SBF2: variants seen among roughly 807,000 people sequenced by gnomAD.
The protein encoded by SBF2 is SET binding factor 2.
Under a neutral mutation model 225.2 loss-of-function variants are expected in SBF2, and 112 were observed. That is an observed-to-expected ratio of 0.50 (90% CI 0.43 to 0.58). The LOEUF (loss-of-function observed/expected upper bound fraction) is 0.58, where lower values mean the gene tolerates loss of function less well. Ranked by LOEUF, SBF2 falls within the 20% of genes least tolerant of loss-of-function variation. SBF2 has a pLI of 0.00. For missense variants in SBF2, 1,996 were observed against 2,206.2 expected, an observed-to-expected ratio of 0.90 and a Z score of 1.91; for synonymous variants, 763 against 773.3, an observed-to-expected ratio of 0.99 and a Z score of 0.22.
At chr11:10,044,980 C>T (rs1949795883) in intron 2 of SBF2, among the ~76,000 whole-genome samples, 1 of 152,112 alleles carries the variant, frequency 6.6e-6, no homozygotes, top group South Asian at 2.1e-4. Context: ...AAGCAACAGC[C>T]TGGGCTCTAT....
rs560792413 is a variant in SBF2 at position 10,155,833 on chromosome 11, G to T, written c.141+38069C>A. Among the ~76,000 whole-genome samples, 82 of 152,322 alleles carry T rather than the reference G, an allele frequency of 5.4e-4. No homozygotes were observed. The South Asian group carries it at 0.016, about 30-fold the overall frequency. ...TCTTTTCAAGGATACAACTTATCAA[G>T]CTATCAGATCATTTACTTTACTGAA... On this transcript the variant is annotated intron_variant, in intron 2 of 39. Coordinates refer to ENST00000256190, the MANE Select transcript of SBF2 (RefSeq NM_030962.4).
At chr11:9,841,106 T>G (rs548603509) in intron 25 of SBF2, among the ~76,000 whole-genome samples, 1 of 152,328 alleles carries the variant, frequency 6.6e-6, no homozygotes, top group Middle Eastern at 3.4e-3. Flanking sequence ...CCCTCTTTCA[T>G]TAAAATATAT....
chr11:10,096,546 T>C (rs998988678), intron 2 of SBF2, among the ~76,000 whole-genome samples: 1 of 151,718 alleles, frequency 6.6e-6, no homozygotes, highest in African/African-American at 2.4e-5. Flanking sequence ...GCATTAACAA[T>C]ATTGTTATCA....
rs1851928716 is a variant in SBF2 at position 9,780,385 on chromosome 11, TTC to T, written c.*31_*32del. On this transcript the variant is annotated 3_prime_UTR_variant, in exon 40 of 40. Transcript: ENST00000256190. Reference sequence around the variant, plus strand: ...TCTATCTATCTGGCAGCATGAGTTCTTCTGTTTCTTCTGCGTGGGTTGACCAT... The same window carrying T: ...TCTATCTATCTGGCAGCATGAGTTCTTGTTTCTTCTGCGTGGGTTGACCAT... 6.4e-7 allele frequency: 1 copy of T among 1,557,856 alleles called. No homozygotes were observed. The highest frequency in any genetic ancestry group is 1.4e-5 in the African/African-American group (1 of 73,866).
Position 9,781,674 on chromosome 11 carries a change from C to A in SBF2, c.5320-36G>T, listed in dbSNP as rs1298176762. 3.1e-6 allele frequency: 5 copies of A among 1,613,674 alleles called. No homozygotes were observed. In the Admixed American group the frequency reaches 8.3e-5, roughly 27 times the overall value. ...AAGGATACAAGTGAGATATAAGAGACAGAAAGAGAAAATGCCATGGCTTTT... is the reference window on the plus strand; with the variant it reads ...AAGGATACAAGTGAGATATAAGAGAAAGAAAGAGAAAATGCCATGGCTTTT... On this transcript the variant is annotated intron_variant, in intron 38 of 39. Transcript: ENST00000256190.
intron 16 of SBF2, among the ~76,000 whole-genome samples, chr11:9,897,362 C>T (rs1481527758): frequency 3.9e-5 from 6 of 152,096 alleles, no homozygotes; most frequent in East Asian, 1.9e-4. Context: ...TTCAGCCTCC[C>T]GAGTAGCTGG....
chr11:10,189,373 A>G (rs1427607571), intron 2 of SBF2, among the ~76,000 whole-genome samples: 1 of 152,208 alleles, frequency 6.6e-6, no homozygotes, highest in African/African-American at 2.4e-5. Context: ...CTAACCAAAC[A>G]GTATTTACAT....
At chr11:10,116,819 G>A (rs555310554) in intron 2 of SBF2, among the ~76,000 whole-genome samples, 9 of 152,194 alleles carry the variant, frequency 5.9e-5, no homozygotes, top group African/African-American at 2.2e-4. Context: ...GCCCATTCAA[G>A]TCTTAATCTA....
At chr11:9,954,474 A>G (rs554656752) in intron 16 of SBF2, among the ~76,000 whole-genome samples, 1 of 152,304 alleles carries the variant, frequency 6.6e-6, no homozygotes, top group East Asian at 1.9e-4. Flanking sequence ...ATAACACATT[A>G]AAGTAAGAAC....
chr11:10,057,011 C>T (rs1950278722), intron 2 of SBF2, among the ~76,000 whole-genome samples: 1 of 152,274 alleles, frequency 6.6e-6, no homozygotes, highest in East Asian at 1.9e-4. Context: ...CTACAGGTGC[C>T]TTTGGGCCAG....
chr11:9,965,442 C>T, intron 14 of SBF2, among the ~76,000 whole-genome samples: 1 of 152,198 alleles, frequency 6.6e-6, no homozygotes, highest in East Asian at 1.9e-4. Context: ...GCATGCGCCA[C>T]CACACCCGGC....
intron 28 of SBF2, among the ~76,000 whole-genome samples, chr11:9,826,571 A>C (rs940872070): frequency 6.6e-6 from 1 of 152,052 alleles, no homozygotes; most frequent in Non-Finnish European, 1.5e-5. Flanking sequence ...GCTAGGGCCA[A>C]TATGTAAAAG....
At chr11:10,259,096 T>C (rs1961180178) in intron 1 of SBF2, among the ~76,000 whole-genome samples, 1 of 152,196 alleles carries the variant, frequency 6.6e-6, no homozygotes, top group South Asian at 2.1e-4. Flanking sequence ...TGGATTTAAC[T>C]AGCTTGAGAA....
intron 6 of SBF2, among the ~76,000 whole-genome samples, chr11:10,024,133 T>C (rs530248099): frequency 9.8e-5 from 15 of 152,332 alleles, no homozygotes; most frequent in African/African-American, 3.6e-4. Flanking sequence ...CAGGTTAATC[T>C]ATGTTGCGTG....
intron 16 of SBF2, among the ~76,000 whole-genome samples, chr11:9,901,626 T>TA (rs1175492344): frequency 3.3e-5 from 5 of 152,162 alleles, no homozygotes; most frequent in African/African-American, 2.4e-5. Context: ...CTATAAACCA[T>TA]AAAATCTCAT....
chr11:10,262,758 A>AT (rs1565413583), intron 1 of SBF2, among the ~76,000 whole-genome samples: 1 of 152,112 alleles, frequency 6.6e-6, no homozygotes, highest in South Asian at 2.1e-4. Context: ...AGTATCCTTG[A>AT]TTTTTTTGAG....
At chr11:9,951,615 C>CAAAAAAA (rs1360418614) in intron 16 of SBF2, among the ~76,000 whole-genome samples, 9 of 152,162 alleles carry the variant, frequency 5.9e-5, no homozygotes, top group Non-Finnish European at 8.8e-5. Flanking sequence ...TGTGTGATTT[C>CAAAAAAA]AAAAATGTAC....
intron 17 of SBF2, among the ~76,000 whole-genome samples, chr11:9,872,161 C>A (rs1858828654): frequency 6.6e-6 from 1 of 152,160 alleles, no homozygotes; most frequent in African/African-American, 2.4e-5. Context: ...AGATCATGAT[C>A]TTTGCAGGGA....
chr11:9,878,637 C>A (rs1406213978), intron 17 of SBF2, among the ~76,000 whole-genome samples: 1 of 152,154 alleles, frequency 6.6e-6, no homozygotes, highest in East Asian at 1.9e-4. Context: ...TAGGTTAAAG[C>A]ATCTTAAATA....
Sources: allele counts gnomAD v4.1 joint callset (sites outside exome capture counted in the v4.1 genomes callset), GRCh38; gene constraint gnomAD v4.1.1; transcripts MANE v1.5; gene names NCBI Gene and HGNC (gene_info 2026-07-23, HGNC 2026-07-21).